NIM1K: variants seen among roughly 807,000 people sequenced by gnomAD.
NIM1K encodes serine/threonine-protein kinase NIM1.
Under a neutral mutation model 37.1 loss-of-function variants are expected in NIM1K, and 35 were observed. That is an observed-to-expected ratio of 0.94 (90% CI 0.72 to 1.25). NIM1K has a LOEUF of 1.25. Ranked by LOEUF, NIM1K falls within the 50% of genes most tolerant of loss-of-function variation. The pLI is 0.00. For missense variants in NIM1K, 564 were observed against 548.0 expected, an observed-to-expected ratio of 1.03 and a Z score of -0.29; for synonymous variants, 234 against 206.6, an observed-to-expected ratio of 1.13 and a Z score of -1.14.
At chr5:43,202,071 T>C (rs1032496552) in intron 1 of NIM1K, among the ~76,000 whole-genome samples, 1 of 152,140 alleles carries the variant, frequency 6.6e-6, no homozygotes, top group Non-Finnish European at 1.5e-5. Context: ...TCCTCCTCTA[T>C]CAAGAGAAAA....
intron 2 of NIM1K, among the ~76,000 whole-genome samples, chr5:43,255,820 A>G (rs750252515): frequency 1.3e-5 from 2 of 151,710 alleles, no homozygotes; most frequent in Non-Finnish European, 2.9e-5. Context: ...GACAGTTTTT[A>G]GATAAGTTGG....
At position 43,213,165 on chromosome 5, in the gene NIM1K, T is replaced by TTTC. The variant is rs1752229273; in HGVS notation, c.-695+20756_-695+20757insCTT. Among the ~76,000 whole-genome samples, 68 of 39,134 alleles carry TTTC rather than the reference T, an allele frequency of 1.7e-3. 2 individuals carry two copies. Among genetic ancestry groups the TTTC allele is most frequent in the East Asian group, 5.2e-3 (6 of 1,152 alleles). 25.7% of individuals were successfully genotyped at this position (39,134 alleles called of 152,430 possible). On this transcript the variant is annotated intron_variant, in intron 1 of 3. Transcript: ENST00000326035. ...AAATCTCCATTTTCTTTCTTTCTTTTTTTCTTTCTTTCTTTCTTTCTTTCT... is the reference window on the plus strand; with the variant it reads ...AAATCTCCATTTTCTTTCTTTCTTTTTTCTTTCTTTCTTTCTTTCTTTCTTTCT...
At chr5:43,278,285 T>G (rs1753384864) in intron 3 of NIM1K, among the ~76,000 whole-genome samples, 1 of 152,196 alleles carries the variant, frequency 6.6e-6, no homozygotes, top group Admixed American at 6.5e-5. Context: ...CCTCAAGCGA[T>G]CCACCTGCCT....
At chr5:43,206,857 G>A in intron 1 of NIM1K, 1 of 768,152 alleles carries the variant, frequency 1.3e-6, no homozygotes, top group Non-Finnish European at 2.4e-6. Context: ...TTAGCAACAT[G>A]CACAAACAAG....
At chr5:43,252,725 A>G (rs1175938216) in intron 2 of NIM1K, among the ~76,000 whole-genome samples, 3 of 152,126 alleles carry the variant, frequency 2.0e-5, no homozygotes, top group Non-Finnish European at 4.4e-5. Flanking sequence ...GTGAAGGTTG[A>G]CAGTCATCAT....
chr5:43,206,188 A>C (rs1752107428), intron 1 of NIM1K, among the ~76,000 whole-genome samples: 1 of 152,138 alleles, frequency 6.6e-6, no homozygotes, highest in African/African-American at 2.4e-5. Flanking sequence ...GTTCAGTGGA[A>C]ATACTGAGAT....
Position 43,208,597 on chromosome 5 carries a change from G to A in NIM1K, c.-695+16186G>A, listed in dbSNP as rs886456564. On this transcript the variant is annotated intron_variant, in intron 1 of 3. Coordinates refer to ENST00000326035, the MANE Select transcript of NIM1K (RefSeq NM_153361.4). ...AGCCTGGGCGACAGGGCAGGACTCT[G>A]TCTCAAAAAAAAGAAAAAAAAAAGA... Among the ~76,000 whole-genome samples the A allele has an allele frequency of 9.3e-5, 14 of 150,952 alleles. No individual in the cohort carries two copies. In the East Asian group the frequency reaches 1.4e-3, roughly 15 times the overall value.
rs894237285 is a variant in NIM1K, at chr5:43,276,890, G to T, written c.293-167G>T. ...AGACTCACACCGATCCAAGGGAAGG[G>T]CACTGATGCTGGGCTTAAGCATTGC... On this transcript the variant is annotated intron_variant, in intron 2 of 3. Transcript: ENST00000326035. Among the ~76,000 whole-genome samples the T allele has an allele frequency of 5.3e-5, 8 of 152,170 alleles. No homozygotes were observed. The South Asian group carries it at 1.0e-3, about 20-fold the overall frequency.
intron 1 of NIM1K, chr5:43,231,956 A>C: frequency 1.0e-6 from 1 of 966,580 alleles, no homozygotes. Flanking sequence ...ACCAGTGAAC[A>C]AAAGCACTCT....
At chr5:43,257,880 C>A (rs1752969701) in intron 2 of NIM1K, among the ~76,000 whole-genome samples, 2 of 151,710 alleles carry the variant, frequency 1.3e-5, no homozygotes, top group Non-Finnish European at 2.9e-5. Flanking sequence ...GGCAACATAG[C>A]AAGACCCTGT....
chr5:43,208,984 A>C (rs1475305475), intron 1 of NIM1K, among the ~76,000 whole-genome samples: 1 of 152,246 alleles, frequency 6.6e-6, no homozygotes, highest in African/African-American at 2.4e-5. Context: ...CATTTCCAGA[A>C]CTACTTGGAG....
chr5:43,202,272 C>T (rs932053200), intron 1 of NIM1K, among the ~76,000 whole-genome samples: 8 of 152,084 alleles, frequency 5.3e-5, no homozygotes, highest in Non-Finnish European at 7.3e-5. Flanking sequence ...TAGCCTCAAA[C>T]CCCTGGGCTC....
Position 43,277,282 on chromosome 5 carries a change from G to A in NIM1K, c.518G>A (p.Ser173Asn), listed in dbSNP as rs1287840300. The change falls in exon 3 of 4, where the codon AGC becomes AAC. Residue 173 changes from serine (S) to asparagine (N), a missense_variant. By Grantham distance (46) the Ser-to-Asn change is conservative. Coordinates refer to ENST00000326035, the MANE Select transcript of NIM1K (RefSeq NM_153361.4). The part of the protein sequence containing the change: ...STEGKLSEPE[S>N]KLIFSQIVSA... ...GAGGGGAAGCTCTCTGAACCAGAAA[G>A]CAAGCTCATCTTCTCCCAGATTGTG... is the stretch of plus-strand genomic sequence containing the variant. The A allele has an allele frequency of 2.5e-6, 4 of 1,613,956 alleles. No individual in the cohort carries two copies. The highest frequency in any genetic ancestry group is 2.2e-5 in the South Asian group (2 of 91,070).
At chr5:43,212,243 C>T (rs1449825687) in intron 1 of NIM1K, among the ~76,000 whole-genome samples, 1 of 151,886 alleles carries the variant, frequency 6.6e-6, no homozygotes, top group Non-Finnish European at 1.5e-5. Context: ...GGAATGGCAC[C>T]TAGGTTTCCT....
intron 1 of NIM1K, among the ~76,000 whole-genome samples, chr5:43,231,053 C>A (rs1462100348): frequency 6.6e-6 from 1 of 152,328 alleles, no homozygotes; most frequent in Admixed American, 6.5e-5. Context: ...TGCTGTGGCT[C>A]ACACCTATAA....
At chr5:43,276,954 G>A in intron 2 of NIM1K, 103 bp from the exon 3 acceptor site, 1 of 1,169,282 alleles carries the variant, frequency 8.6e-7, no homozygotes, top group Non-Finnish European at 1.2e-6. Flanking sequence ...CTTGGGAACA[G>A]CCACTCTCTG....
chr5:43,257,337 G>T (rs1033702906), intron 2 of NIM1K, among the ~76,000 whole-genome samples: 1 of 151,618 alleles, frequency 6.6e-6, no homozygotes, highest in Non-Finnish European at 1.5e-5. Context: ...ATAATGAGGG[G>T]AGAATTAAAG....
chr5:43,254,433 A>G (rs1481863229), intron 2 of NIM1K, among the ~76,000 whole-genome samples: 2 of 152,216 alleles, frequency 1.3e-5, no homozygotes, highest in South Asian at 4.1e-4. Context: ...AAACTCTGGG[A>G]TGTAGTGACA....
chr5:43,277,160 C>T lies in NIM1K; in HGVS notation c.396C>T (p.Asn132=). ...ISSMEKLHHP[N]IIRLYEVVET... ...GCATGGAAAAGCTGCACCATCCCAA[C>T]ATCATCCGCCTTTACGAAGTGGTGG... The change falls in exon 3 of 4, where the codon AAC becomes AAT. Residue 132 remains asparagine (N), a synonymous_variant. Coordinates refer to ENST00000326035, the MANE Select transcript of NIM1K (RefSeq NM_153361.4). 6.2e-7 allele frequency: 1 copy of T among 1,614,146 alleles called. No homozygotes were observed. Among genetic ancestry groups the T allele is most frequent in the Non-Finnish European group, 8.5e-7 (1 of 1,180,018 alleles).
Sources: gnomAD v4.1 joint callset for allele counts (sites outside exome capture counted in the v4.1 genomes callset) on GRCh38, gnomAD v4.1.1 for gene constraint, MANE v1.5 for transcripts, NCBI Gene and HGNC (gene_info 2026-07-23, HGNC 2026-07-21) for gene names.